Variants in PTPRD observed in about 807,000 individuals in gnomAD.
The protein encoded by PTPRD is receptor-type tyrosine-protein phosphatase delta.
Under a neutral mutation model 214.5 loss-of-function variants are expected in PTPRD, and 34 were observed. The observed-to-expected ratio is 0.16, with a 90% confidence interval of 0.12 to 0.21. The LOEUF is 0.21. Among genes scored for constraint, PTPRD ranks in the 10% least tolerant of loss-of-function variants. The pLI is 1.00. For synonymous variants in PTPRD, 1,128 were observed against 845.7 expected (o/e 1.33, Z -5.79); for missense variants, 2,545 against 2,398.7 (o/e 1.06, Z -1.27).
chr9:9,964,421 C>T (rs1414472750), intron 4 of PTPRD, among the ~76,000 whole-genome samples: 1 of 152,034 alleles, frequency 6.6e-6, no homozygotes, highest in Non-Finnish European at 1.5e-5. Flanking sequence ...GTTTTCTTTC[C>T]GTATAATTCC....
intron 12 of PTPRD, among the ~76,000 whole-genome samples, chr9:8,729,546 C>G (rs1482803784): frequency 6.6e-6 from 1 of 152,182 alleles, no homozygotes; most frequent in Non-Finnish European, 1.5e-5. Flanking sequence ...ATTCACGAAA[C>G]ACCTACCTTG....
At chr9:9,027,356 T>C (rs1470020908) in intron 10 of PTPRD, among the ~76,000 whole-genome samples, 1 of 151,938 alleles carries the variant, frequency 6.6e-6, no homozygotes, top group South Asian at 2.1e-4. Context: ...GCTGTTACCA[T>C]GGAAAATGCA....
At chr9:8,678,546 C>T (rs963679012) in intron 12 of PTPRD, among the ~76,000 whole-genome samples, 4 of 152,140 alleles carry the variant, frequency 2.6e-5, no homozygotes, top group African/African-American at 9.7e-5. Context: ...AAAGACAGTC[C>T]TGCCAAAGTC....
At chr9:10,170,253 G>A (rs903227235) in intron 3 of PTPRD, among the ~76,000 whole-genome samples, 1 of 152,018 alleles carries the variant, frequency 6.6e-6, no homozygotes, top group Non-Finnish European at 1.5e-5. Flanking sequence ...TTTTGCACAG[G>A]CCTCATTCTT....
intron 2 of PTPRD, among the ~76,000 whole-genome samples, chr9:10,378,590 T>C (rs190688337): frequency 6.6e-6 from 1 of 152,162 alleles, no homozygotes; most frequent in East Asian, 1.9e-4. Context: ...CCCCTCAGTA[T>C]GTTATTGGAA....
intron 3 of PTPRD, among the ~76,000 whole-genome samples, chr9:10,312,339 T>A (rs1425123549): frequency 6.6e-6 from 1 of 152,006 alleles, no homozygotes; most frequent in Non-Finnish European, 1.5e-5. Context: ...ATATTGATTT[T>A]GTTTTTGATA....
In PTPRD at chr9:8,339,733, A is replaced by G. The variant is rs1850623984; in HGVS notation, c.5253+610T>C. Among the ~76,000 whole-genome samples the G allele has an allele frequency of 2.0e-5, 3 of 152,094 alleles. No individual in the cohort carries two copies. In the South Asian group the frequency reaches 6.2e-4, roughly 31 times the overall value. ...CAAATACGAAATAATGCTTACATCAAGTCAATCTAAGAGGTATCTCTAAAT... is the reference window on the plus strand; with the variant it reads ...CAAATACGAAATAATGCTTACATCAGGTCAATCTAAGAGGTATCTCTAAAT... On this transcript the variant is annotated intron_variant, in intron 42 of 45. Transcript: ENST00000381196.
chr9:9,697,073 T>C (rs1221230618), intron 7 of PTPRD, among the ~76,000 whole-genome samples: 2 of 152,144 alleles, frequency 1.3e-5, no homozygotes, highest in Non-Finnish European at 2.9e-5. Context: ...AAACAAATTG[T>C]ACACTTTAAC....
At chr9:10,316,685 T>C (rs993180625) in intron 3 of PTPRD, among the ~76,000 whole-genome samples, 1 of 151,930 alleles carries the variant, frequency 6.6e-6, no homozygotes, top group African/African-American at 2.4e-5. Flanking sequence ...TTTTCTGACA[T>C]ATCCATACAT....
intron 7 of PTPRD, among the ~76,000 whole-genome samples, chr9:9,698,878 T>C (rs2097434128): frequency 6.6e-6 from 1 of 152,184 alleles, no homozygotes; most frequent in Admixed American, 6.5e-5. Context: ...ACTCCTAGCA[T>C]GGAGTTTTTA....
chr9:10,230,278 C>T (rs1252007891), intron 3 of PTPRD, among the ~76,000 whole-genome samples: 3 of 151,986 alleles, frequency 2.0e-5, no homozygotes, highest in Non-Finnish European at 4.4e-5. Flanking sequence ...CAATACATTG[C>T]GTTGTGTTAA....
chr9:9,781,658 G>C (rs976159163), intron 5 of PTPRD, among the ~76,000 whole-genome samples: 2 of 152,092 alleles, frequency 1.3e-5, no homozygotes, highest in Non-Finnish European at 2.9e-5. Context: ...TGAAACTTTT[G>C]GAGTTTAGCC....
At chr9:8,945,043 C>G (rs553377324) in intron 11 of PTPRD, among the ~76,000 whole-genome samples, 193 of 151,910 alleles carry the variant, frequency 1.3e-3, no homozygotes, top group African/African-American at 4.6e-3. Context: ...ACTATGTACT[C>G]ATGAAAATTT....
At chr9:8,594,860 CT>C (rs55766168) in intron 14 of PTPRD, among the ~76,000 whole-genome samples, 23,755 of 130,470 alleles carry the variant, frequency 0.18, 1,819 homozygotes, top group Middle Eastern at 0.28. Context: ...TGTTTAACCC[CT>C]TTTTTTTTTT....
At chr9:9,775,808 T>C (rs776234774) in intron 5 of PTPRD, among the ~76,000 whole-genome samples, 1 of 151,632 alleles carries the variant, frequency 6.6e-6, no homozygotes, top group Non-Finnish European at 1.5e-5. Flanking sequence ...AACAAAAAAA[T>C]AGCCGGGCAT....
At chr9:9,705,455 T>G (rs114303990) in intron 7 of PTPRD, among the ~76,000 whole-genome samples, 1 of 152,112 alleles carries the variant, frequency 6.6e-6, no homozygotes, top group Non-Finnish European at 1.5e-5. Context: ...GGCCTTAATA[T>G]AACACACAAA....
At chr9:9,177,061 A>G (rs2099925342) in intron 10 of PTPRD, among the ~76,000 whole-genome samples, 1 of 152,122 alleles carries the variant, frequency 6.6e-6, no homozygotes, top group African/African-American at 2.4e-5. Context: ...AGACTGGGTA[A>G]TTTATAAAGA....
At chr9:9,283,089 A>G (rs1406027990) in intron 9 of PTPRD, among the ~76,000 whole-genome samples, 1 of 151,408 alleles carries the variant, frequency 6.6e-6, no homozygotes, top group African/African-American at 2.4e-5. Context: ...AACTCATGTC[A>G]TGGAAGAATA....
chr9:9,180,609 T>TA (rs2131391585), intron 10 of PTPRD, among the ~76,000 whole-genome samples: 1 of 152,094 alleles, frequency 6.6e-6, no homozygotes, highest in African/African-American at 2.4e-5. Flanking sequence ...GTAATAAAAT[T>TA]AAAAAATATA....
Sources: allele counts gnomAD v4.1 joint callset (sites outside exome capture counted in the v4.1 genomes callset), GRCh38; gene constraint gnomAD v4.1.1; transcripts MANE v1.5; gene names NCBI Gene and HGNC (gene_info 2026-07-23, HGNC 2026-07-21).